DOK7: variants seen among roughly 807,000 people sequenced by gnomAD.
DOK7 encodes protein Dok-7.
A neutral mutation model predicts 30.7 loss-of-function variants in DOK7; 32 were observed. The observed-to-expected ratio is 1.04, with a 90% CI of 0.79 to 1.40. DOK7 has a LOEUF of 1.40. DOK7 is among the 40% of genes most tolerant of loss of function. The probability of loss-of-function intolerance (pLI) is 0.00; values close to 1 mark genes in which losing one functional copy is unlikely to be tolerated. For synonymous variants in DOK7, 447 were observed against 324.1 expected, an observed-to-expected ratio of 1.38 and a Z score of -4.07; for missense variants, 1,007 against 699.2, an observed-to-expected ratio of 1.44 and a Z score of -4.97.
chr4:3,499,319 T>C (rs1259630285), downstream of DOK7, among the ~76,000 whole-genome samples: 2 of 152,026 alleles, frequency 1.3e-5, no homozygotes, highest in South Asian at 4.1e-4. Flanking sequence ...TGGCTGTGTC[T>C]CCCAGCCACT....
At chr4:3,495,365 C>T (rs1012815327), downstream of DOK7, among the ~76,000 whole-genome samples, 10 of 152,222 alleles carry the variant, frequency 6.6e-5, no homozygotes, top group Non-Finnish European at 1.0e-4. Flanking sequence ...TCCCACGGGT[C>T]GCCTGCCCAA....
chr4:3,500,908 C>T (rs1232861110), exon 8 of DOK7: 12 of 1,448,938 alleles, frequency 8.3e-6, no homozygotes, highest in South Asian at 5.6e-5. Flanking sequence ...TTCTGTTGGG[C>T]GTGGTCTGGT....
chr4:3,476,309 C>A (rs765606889), intron 3 of DOK7, 33 bp from the exon 4 acceptor site: 6 of 1,564,734 alleles, frequency 3.8e-6, no homozygotes, highest in Non-Finnish European at 4.3e-6. Context: ...ACCCTGCCCG[C>A]CCGTGATGCC....
At chr4:3,491,891 C>T (rs1422672375) in intron 6 of DOK7, among the ~76,000 whole-genome samples, 1 of 152,190 alleles carries the variant, frequency 6.6e-6, no homozygotes, top group Non-Finnish European at 1.5e-5. Context: ...GACCTGTGTT[C>T]CCACGGCCAA....
intron 2 of DOK7, among the ~76,000 whole-genome samples, chr4:3,469,197 ATGAG>A (rs1329007991): frequency 2.7e-5 from 4 of 149,470 alleles, no homozygotes; most frequent in African/African-American, 4.9e-5. Flanking sequence ...GTGTGCATGT[ATGAG>A]TGTGTGTGCC....
At position 3,493,575 on chromosome 4, in the gene DOK7, C is replaced by G. The variant is rs1254544738; in HGVS notation, c.*74C>G. Reference sequence around the variant, plus strand: ...AGATGGCAGAGGAAGTGGCGCCAGCCTCCTTGCAGACTGGTGCTCTGTGTT... The same window carrying G: ...AGATGGCAGAGGAAGTGGCGCCAGCGTCCTTGCAGACTGGTGCTCTGTGTT... On this transcript the variant is annotated 3_prime_UTR_variant, in exon 7 of 7. Transcript: ENST00000340083. 6.4e-7 allele frequency: 1 copy of G among 1,564,506 alleles called. No homozygotes were observed. The highest frequency in any genetic ancestry group is 8.7e-7 in the Non-Finnish European group (1 of 1,154,626).
chr4:3,500,284 G>A (rs1334129718), exon 7 of DOK7: 16 of 1,535,828 alleles, frequency 1.0e-5, no homozygotes, highest in Admixed American at 3.9e-5. Context: ...GACAGCCCAG[G>A]ACCAGAGAGG....
In DOK7 at chr4:3,489,726, A is replaced by G. The variant is rs930665017; in HGVS notation, c.702A>G (p.Glu234=). The part of the protein sequence containing the change: ...PSTVEERVAQ[E]ALETLQLEKR... ...CTGTGGAGGAGCGTGTGGCCCAGGA[A>G]GCCCTGGAAACCCTACAGCTGGAGA... The change falls in exon 6 of 7, where the codon GAA becomes GAG. Residue 234 remains glutamate (E), a synonymous_variant. Transcript: ENST00000340083. 5.1e-6 allele frequency: 8 copies of G among 1,565,942 alleles called. No homozygotes were observed. Among genetic ancestry groups the G allele is most frequent in the Non-Finnish European group, 6.9e-6 (8 of 1,155,322 alleles).
At chr4:3,476,298 C>T (rs1560212449) in intron 3 of DOK7, 44 bp from the exon 4 acceptor site, 1 of 1,265,840 alleles carries the variant, frequency 7.9e-7, no homozygotes, top group Non-Finnish European at 1.1e-6. Context: ...GATGTCCTCT[C>T]ACCCTGCCCG....
downstream of DOK7, among the ~76,000 whole-genome samples, chr4:3,498,229 C>T (rs1218151712): frequency 6.6e-6 from 1 of 152,154 alleles, no homozygotes; most frequent in East Asian, 1.9e-4. Flanking sequence ...GAAGCCGAAG[C>T]AAAATCCAAG....
chr4:3,488,074 A>G (rs1727932741), intron 5 of DOK7, among the ~76,000 whole-genome samples: 2 of 152,238 alleles, frequency 1.3e-5, no homozygotes, highest in African/African-American at 4.8e-5. Flanking sequence ...CTTGGCTGCC[A>G]TCGCCTTCCA....
intron 6 of DOK7, among the ~76,000 whole-genome samples, chr4:3,492,352 C>T (rs954395174): frequency 1.3e-5 from 2 of 151,812 alleles, no homozygotes; most frequent in African/African-American, 4.8e-5. Context: ...CCAGACCAGC[C>T]TGGGGCCGTG....
chr4:3,496,133 A>G (rs1728897760), downstream of DOK7, among the ~76,000 whole-genome samples: 1 of 152,230 alleles, frequency 6.6e-6, no homozygotes, highest in Non-Finnish European at 1.5e-5. Flanking sequence ...GGAGGTGGGC[A>G]GGAAGCCTCT....
Position 3,485,678 on chromosome 4 carries a change from CG to C in DOK7, c.652+22del. On this transcript the variant is annotated intron_variant, in intron 5 of 6. Coordinates refer to ENST00000340083, the MANE Select transcript of DOK7 (RefSeq NM_173660.5). ...TACCAGGTGCGTGTGGGAGCCTGGC[CG>C]GCCGGGGAGGGTGCGCTCGGCAGGC... 1 of 1,543,382 alleles carries C rather than the reference CG, an allele frequency of 6.5e-7. No homozygotes were observed. The highest frequency in any genetic ancestry group is 8.8e-7 in the Non-Finnish European group (1 of 1,139,974).
chr4:3,490,009 TCTC>T (rs1178970326), intron 6 of DOK7, among the ~76,000 whole-genome samples: 6 of 125,846 alleles, frequency 4.8e-5, no homozygotes, highest in African/African-American at 1.6e-4. Flanking sequence ...ATTCCTTCCT[TCTC>T]CTCCTGCTCA....
chr4:3,499,269 G>A (rs937987686), downstream of DOK7, among the ~76,000 whole-genome samples: 6 of 152,194 alleles, frequency 3.9e-5, no homozygotes, highest in South Asian at 2.1e-4. Context: ...CTGAGGGCTC[G>A]GAGTGTGCTG....
chr4:3,496,068 C>A (rs2239742), downstream of DOK7, among the ~76,000 whole-genome samples: 1 of 152,014 alleles, frequency 6.6e-6, no homozygotes, highest in Non-Finnish European at 1.5e-5. Flanking sequence ...TGCCGGCTGC[C>A]GGAACCCATG....
chr4:3,472,830 C>G (rs1052287184), intron 2 of DOK7, among the ~76,000 whole-genome samples: 5 of 148,712 alleles, frequency 3.4e-5, no homozygotes, highest in African/African-American at 1.3e-4. Context: ...GGGCAGTGGC[C>G]GGGTGGATGG....
chr4:3,489,141 C>T (rs772659165), intron 5 of DOK7, among the ~76,000 whole-genome samples: 4 of 152,126 alleles, frequency 2.6e-5, no homozygotes, highest in Middle Eastern at 3.4e-3. Flanking sequence ...TAGGTGGGGC[C>T]GAGGGTCCGC....
Sources: allele counts gnomAD v4.1 joint callset (sites outside exome capture counted in the v4.1 genomes callset), GRCh38; gene constraint gnomAD v4.1.1; transcripts MANE v1.5; gene names NCBI Gene and HGNC (gene_info 2026-07-23, HGNC 2026-07-21).